Variants in CNTNAP2 observed in about 807,000 individuals in gnomAD.
CNTNAP2 encodes the protein contactin associated protein 2.
A neutral mutation model predicts 155.2 loss-of-function variants in CNTNAP2; 98 were observed. The ratio of observed to expected loss-of-function variants is 0.63; its 90% CI spans 0.54 to 0.75. CNTNAP2 has a LOEUF of 0.75. Ranked by LOEUF, CNTNAP2 falls within the 30% of genes least tolerant of loss-of-function variation. The pLI, the probability that CNTNAP2 is intolerant of heterozygous loss-of-function variation, is 0.00. For synonymous variants in CNTNAP2, 651 were observed against 631.2 expected (o/e 1.03, Z -0.47); for missense variants, 1,727 against 1,688.1 (o/e 1.02, Z -0.40).
In CNTNAP2 at chr7:146,193,665, A is replaced by T. The variant is rs369575227; in HGVS notation, c.97+76692A>T. Among the ~76,000 whole-genome samples, 63 of 152,354 alleles carry T rather than the reference A, an allele frequency of 4.1e-4. 1 individual carries two copies. In the South Asian group the frequency reaches 0.012, roughly 30 times the overall value. The stretch of plus-strand genomic sequence containing the variant: ...TGTGCCTGTGATGGGAGGGGCTGCC[A>T]TGAAGGTCTCCGAGATTCCCTAAAG... On this transcript the variant is annotated intron_variant, in intron 1 of 23. Transcript: ENST00000361727.
At chr7:146,147,623 C>T (rs901624244) in intron 1 of CNTNAP2, among the ~76,000 whole-genome samples, 6 of 152,068 alleles carry the variant, frequency 3.9e-5, no homozygotes, top group Non-Finnish European at 7.4e-5. Context: ...TTATCAATCC[C>T]TTTAGCCAGC....
At chr7:146,682,801 G>A (rs1195334093) in intron 1 of CNTNAP2, among the ~76,000 whole-genome samples, 1 of 152,080 alleles carries the variant, frequency 6.6e-6, no homozygotes, top group Non-Finnish European at 1.5e-5. Context: ...TAATAGATAA[G>A]GAAGAAAAAT....
At chr7:147,256,764 C>T (rs140400639) in intron 8 of CNTNAP2, among the ~76,000 whole-genome samples, 1 of 152,042 alleles carries the variant, frequency 6.6e-6, no homozygotes, top group African/African-American at 2.4e-5. Context: ...GGGAACAGGA[C>T]AGTTAATGGA....
At chr7:148,009,196 A>G (rs149357032) in intron 15 of CNTNAP2, among the ~76,000 whole-genome samples, 22 of 152,340 alleles carry the variant, frequency 1.4e-4, no homozygotes, top group African/African-American at 5.1e-4. Flanking sequence ...ACATGCTAAG[A>G]ACACTTACAG....
chr7:146,520,839 C>T lies in CNTNAP2; in HGVS notation c.98-253432C>T, dbSNP rs77649564. Among the ~76,000 whole-genome samples, 104 of 151,968 alleles carry T rather than the reference C, an allele frequency of 6.8e-4. 1 individual carries two copies. The East Asian group carries it at 0.016, about 24-fold the overall frequency. ...CCAGAAATGAGTTGTGTTACTCTAG[C>T]GCCCTCCTACATTAATGTAAAAAGT... On this transcript the variant is annotated intron_variant, in intron 1 of 23. Coordinates refer to ENST00000361727, the MANE Select transcript of CNTNAP2 (RefSeq NM_014141.6).
intron 1 of CNTNAP2, among the ~76,000 whole-genome samples, chr7:146,727,669 G>T (rs1176000324): frequency 6.6e-5 from 10 of 152,188 alleles, no homozygotes. Context: ...TGTTTTTCAG[G>T]CCGTTTTGGT....
intron 1 of CNTNAP2, among the ~76,000 whole-genome samples, chr7:146,606,886 G>A (rs1343448245): frequency 6.6e-6 from 1 of 152,164 alleles, no homozygotes; most frequent in Non-Finnish European, 1.5e-5. Context: ...TTTCCATGGA[G>A]TTAGCTCTGT....
At chr7:148,400,097 C>A (rs978892877) in intron 22 of CNTNAP2, among the ~76,000 whole-genome samples, 1 of 152,164 alleles carries the variant, frequency 6.6e-6, no homozygotes, top group Non-Finnish European at 1.5e-5. Flanking sequence ...TCAGAGTGCT[C>A]TCCCCCAAAG....
At chr7:146,335,919 C>G (rs1049270753) in intron 1 of CNTNAP2, among the ~76,000 whole-genome samples, 1 of 151,944 alleles carries the variant, frequency 6.6e-6, no homozygotes, top group Non-Finnish European at 1.5e-5. Flanking sequence ...TAAATATTGG[C>G]CAGGGCGCGG....
At chr7:148,166,678 A>G (rs959809157) in intron 17 of CNTNAP2, among the ~76,000 whole-genome samples, 2 of 152,340 alleles carry the variant, frequency 1.3e-5, no homozygotes, top group Non-Finnish European at 2.9e-5. Flanking sequence ...ATGATTTACA[A>G]ATTAAACCCA....
At chr7:147,126,382 C>T (rs537870703) in intron 6 of CNTNAP2, among the ~76,000 whole-genome samples, 20 of 152,292 alleles carry the variant, frequency 1.3e-4, no homozygotes, top group Middle Eastern at 3.4e-3. Context: ...AATCGGACAA[C>T]TGCAACAATA....
At chr7:147,912,606 T>C (rs555137294) in intron 14 of CNTNAP2, among the ~76,000 whole-genome samples, 30 of 152,256 alleles carry the variant, frequency 2.0e-4, no homozygotes, top group African/African-American at 7.0e-4. Flanking sequence ...CTTCCTGAAA[T>C]AGCCACTCTT....
intron 3 of CNTNAP2, among the ~76,000 whole-genome samples, chr7:146,974,212 G>C (rs1244805662): frequency 6.6e-6 from 1 of 152,062 alleles, no homozygotes; most frequent in Non-Finnish European, 1.5e-5. Context: ...CAGGGAGGCT[G>C]AGGTGGGTGG....
intron 1 of CNTNAP2, among the ~76,000 whole-genome samples, chr7:146,151,700 ATATATATATATATG>A (rs1562969130): frequency 0.015 from 891 of 57,522 alleles, 37 homozygotes; most frequent in African/African-American, 0.086. Flanking sequence ...ATATATATGT[ATATATATATATATG>A]TATATATATA....
chr7:147,634,030 A>G lies in CNTNAP2; in HGVS notation c.1898-5076A>G, dbSNP rs1018833409. ...GGGAATATAAGCTAGTACAAGCACT[A>G]TGGAAAACAGTATGGAGATTCCCTA... is the stretch of plus-strand genomic sequence containing the variant. On this transcript the variant is annotated intron_variant, in intron 12 of 23. Transcript: ENST00000361727. Among the ~76,000 whole-genome samples the G allele has an allele frequency of 5.3e-5, 8 of 152,202 alleles. 1 individual carries two copies. The highest frequency in any genetic ancestry group is 1.0e-4 in the Non-Finnish European group (7 of 68,032).
At chr7:147,279,880 TTA>T (rs1227199314) in intron 8 of CNTNAP2, among the ~76,000 whole-genome samples, 5 of 151,844 alleles carry the variant, frequency 3.3e-5, no homozygotes, top group African/African-American at 1.2e-4. Context: ...TAGGGATTTA[TTA>T]GGATGTTTAC....
At chr7:147,070,849 G>C (rs940995871) in intron 4 of CNTNAP2, among the ~76,000 whole-genome samples, 1 of 124,176 alleles carries the variant, frequency 8.1e-6, no homozygotes, top group African/African-American at 5.4e-5. Context: ...CATTTACGAT[G>C]GAAATGTATC....
At chr7:146,944,872 C>T (rs561347399) in intron 3 of CNTNAP2, among the ~76,000 whole-genome samples, 2 of 149,492 alleles carry the variant, frequency 1.3e-5, no homozygotes, top group South Asian at 2.1e-4. Context: ...TGCGAGACTC[C>T]GTCTAAAAAA....
intron 3 of CNTNAP2, among the ~76,000 whole-genome samples, chr7:147,035,359 TC>T (rs771686572): frequency 6.0e-4 from 91 of 152,344 alleles, no homozygotes; most frequent in Admixed American, 2.4e-3. Flanking sequence ...GAAACTCACA[TC>T]AAGGCCGCAA....
Sources: gnomAD v4.1 joint callset for allele counts (sites outside exome capture counted in the v4.1 genomes callset) on GRCh38, gnomAD v4.1.1 for gene constraint, MANE v1.5 for transcripts, NCBI Gene and HGNC (gene_info 2026-07-23, HGNC 2026-07-21) for gene names.